Variants in SCAMP2 observed in about 807,000 individuals in gnomAD.
SCAMP2 encodes secretory carrier-associated membrane protein 2.
SCAMP2 carries 25 observed loss-of-function variants against 44.1 expected under a neutral mutation model. The observed-to-expected ratio is 0.57, with a 90% CI of 0.41 to 0.79. SCAMP2 has a LOEUF of 0.79. SCAMP2 is among the 30% of genes least tolerant of loss of function. The pLI, the probability that SCAMP2 is intolerant of heterozygous loss-of-function variation, is 0.00. For synonymous variants in SCAMP2, 156 were observed against 166.0 expected (o/e 0.94, Z 0.46); for missense variants, 355 against 411.0 (o/e 0.86, Z 1.18).
intron 3 of SCAMP2, 175 bp from the exon 4 acceptor site, chr15:74,852,361 C>T: frequency 2.4e-6 from 1 of 422,784 alleles, no homozygotes; most frequent in Non-Finnish European, 4.2e-6. Context: ...TTAGAGAGGC[C>T]AACCTGTCTT....
At chr15:74,846,281 C>CAA (rs1339255346) in intron 7 of SCAMP2, among the ~76,000 whole-genome samples, 3 of 132,668 alleles carry the variant, frequency 2.3e-5, no homozygotes, top group East Asian at 2.2e-4. Context: ...GACTCCAACT[C>CAA]AAAAAAAAAA....
chr15:74,851,165 T>G (rs1204170800), intron 5 of SCAMP2, among the ~76,000 whole-genome samples, 188 bp downstream of exon 5: 7 of 151,530 alleles, frequency 4.6e-5, no homozygotes, highest in Admixed American at 2.0e-4. Flanking sequence ...GGACTGCCCC[T>G]TTCAAGGAGG....
intron 4 of SCAMP2, among the ~76,000 whole-genome samples, chr15:74,851,727 G>A (rs1358288984): frequency 2.6e-5 from 4 of 152,174 alleles, no homozygotes; most frequent in Non-Finnish European, 5.9e-5. Flanking sequence ...CAGCTAAATG[G>A]CCTAAGTGAT....
chr15:74,858,966 G>A (rs1292845078), intron 1 of SCAMP2, among the ~76,000 whole-genome samples: 2 of 151,584 alleles, frequency 1.3e-5, no homozygotes, highest in Non-Finnish European at 2.9e-5. Flanking sequence ...CTGCCACCAC[G>A]CCCGGCTACT....
At chr15:74,850,785 G>C (rs1189490546) in intron 5 of SCAMP2, 112 bp from the exon 6 acceptor site, 1 of 1,125,864 alleles carries the variant, frequency 8.9e-7, no homozygotes, top group African/African-American at 1.6e-5. Flanking sequence ...GGCAGCTGCT[G>C]AAACAGAGGA....
intron 1 of SCAMP2, among the ~76,000 whole-genome samples, chr15:74,863,884 GAC>G (rs968565384): frequency 1.3e-5 from 2 of 152,182 alleles, no homozygotes. Flanking sequence ...CACAGGGTGA[GAC>G]ACAGTGTGAT....
intron 1 of SCAMP2, among the ~76,000 whole-genome samples, chr15:74,862,706 C>T (rs1395488430): frequency 6.6e-6 from 1 of 151,286 alleles, no homozygotes; most frequent in Non-Finnish European, 1.5e-5. Flanking sequence ...TACATAATCC[C>T]AGCTACTTGG....
intron 6 of SCAMP2, 124 bp downstream of exon 6, chr15:74,850,390 A>C: frequency 2.1e-6 from 2 of 939,664 alleles, no homozygotes; most frequent in Non-Finnish European, 3.2e-6. Flanking sequence ...AATGTAGGGA[A>C]AGTGGATTTC....
At chr15:74,857,512 A>G (rs1426570491) in intron 1 of SCAMP2, among the ~76,000 whole-genome samples, 1 of 152,206 alleles carries the variant, frequency 6.6e-6, no homozygotes, top group African/African-American at 2.4e-5. Flanking sequence ...TGGCTCCTCG[A>G]GTCTGAGTCA....
chr15:74,848,463 G>A (rs754491667), intron 7 of SCAMP2, 137 bp downstream of exon 7: 82 of 599,830 alleles, frequency 1.4e-4, no homozygotes, highest in South Asian at 6.2e-4. Flanking sequence ...AAGCAGATCC[G>A]AGCTGGCCCA....
chr15:74,852,150 G>C lies in SCAMP2; in HGVS notation c.262C>G (p.Gln88Glu). 6.3e-7 allele frequency: 1 copy of C among 1,580,780 alleles called. No individual in the cohort carries two copies. The highest frequency in any genetic ancestry group is 1.8e-5 in the Admixed American group (1 of 56,122). The change falls in exon 4 of 9, where the codon CAG becomes GAG. Residue 88 changes from glutamine to glutamate, a missense_variant. By Grantham distance (29) the Gln-to-Glu change is conservative (BLOSUM62 2). Transcript: ENST00000268099. ...GCTTTCCTGTCCAGTTCTTCCTGCT[G>C]CCGGAGCAGGCCTGCCTGGGCTGCA... The part of the protein sequence containing the change: ...VSAAQAGLLR[Q>E]QEELDRKAAE...
chr15:74,861,120 A>G (rs1231561314), intron 1 of SCAMP2, among the ~76,000 whole-genome samples: 3 of 152,184 alleles, frequency 2.0e-5, no homozygotes, highest in Admixed American at 6.5e-5. Context: ...GGTTGCAGTG[A>G]GCCAAGATCG....
intron 1 of SCAMP2, among the ~76,000 whole-genome samples, chr15:74,860,139 G>GGT (rs1567253130): frequency 6.6e-6 from 1 of 152,120 alleles, no homozygotes; most frequent in Non-Finnish European, 1.5e-5. Context: ...GGCCTGGCGC[G>GGT]GTGGCTCAGG....
chr15:74,853,499 G>A (rs1452479941), intron 3 of SCAMP2: 1 of 456,242 alleles, frequency 2.2e-6, no homozygotes, highest in African/African-American at 2.0e-5. Flanking sequence ...AGCAGGAGCT[G>A]CAACACACAA....
intron 1 of SCAMP2, among the ~76,000 whole-genome samples, chr15:74,859,588 T>C (rs972333771): frequency 1.2e-4 from 18 of 149,674 alleles, no homozygotes; most frequent in Admixed American, 2.7e-4. Flanking sequence ...AGGCTGCAGC[T>C]CTCCCAGGAA....
Position 74,873,134 on chromosome 15 carries a change from G to A in SCAMP2, c.57+65C>T, listed in dbSNP as rs962989705. 5.3e-6 allele frequency: 7 copies of A among 1,328,306 alleles called. 1 individual carries two copies. The highest frequency in any genetic ancestry group is 4.1e-5 in the Admixed American group (1 of 24,498). The allele number at this position is 1,328,306 out of a possible 1,614,324, so 82.3% of individuals were successfully genotyped here. A position where few individuals can be genotyped will look rare whatever the true frequency, so the allele number is the denominator to read the frequency against. ...GCCACGTCTCCCGGCTCTAGCGAGA[G>A]GCCCGGGCGGCGGCCGTGGGCCCTA... is the stretch of plus-strand genomic sequence containing the variant. On this transcript the variant is annotated intron_variant, in intron 1 of 8. Transcript: ENST00000268099.
In SCAMP2 at chr15:74,873,262, CG is replaced by C. The variant is rs1338178115; in HGVS notation, c.-8del. 1.4e-6 allele frequency: 2 copies of C among 1,478,398 alleles called. No individual in the cohort carries two copies. Among genetic ancestry groups the C allele is most frequent in the Admixed American group, 2.8e-5 (1 of 35,544 alleles). 91.6% of individuals were successfully genotyped at this position (1,478,398 alleles called of 1,614,324 possible). A position where few individuals can be genotyped will look rare whatever the true frequency, so the allele number is the denominator to read the frequency against. On this transcript the variant is annotated 5_prime_UTR_variant, in exon 1 of 9. Transcript: ENST00000268099. ...TGGTGTCGAAAGCCGACATGGTGAT[CG>C]GGGGCCAGCGGGCGAACTCCGCGAA...
intron 1 of SCAMP2, among the ~76,000 whole-genome samples, chr15:74,856,166 G>A (rs1358043609): frequency 1.3e-5 from 2 of 151,794 alleles, no homozygotes; most frequent in Non-Finnish European, 2.9e-5. Flanking sequence ...ACACCGCTTG[G>A]GTTCCACACC....
At chr15:74,864,435 G>A (rs116736127) in intron 1 of SCAMP2, among the ~76,000 whole-genome samples, 3 of 152,132 alleles carry the variant, frequency 2.0e-5, no homozygotes, top group Non-Finnish European at 4.4e-5. Context: ...TGTGTGGAGA[G>A]AAGAGTCTGG....
Sources: allele counts gnomAD v4.1 joint callset (sites outside exome capture counted in the v4.1 genomes callset), GRCh38; gene constraint gnomAD v4.1.1; transcripts MANE v1.5; gene names NCBI Gene and HGNC (gene_info 2026-07-23, HGNC 2026-07-21).